The following DBN1 variants were observed in gnomAD, a reference collection of about 807,000 sequenced individuals.
The protein encoded by DBN1 is drebrin 1, also known as drebrin.
In DBN1, 21 loss-of-function variants were observed where a neutral mutation model predicts 83.5. That is an observed-to-expected ratio of 0.25 (90% CI 0.18 to 0.36). DBN1 has a LOEUF of 0.36. Among genes scored for constraint, DBN1 ranks in the 10% least tolerant of loss-of-function variants. The probability of loss-of-function intolerance (pLI) is 1.00; values close to 1 mark genes in which losing one functional copy is unlikely to be tolerated. For synonymous variants in DBN1, 381 were observed against 384.9 expected (o/e 0.99, Z 0.12); for missense variants, 874 against 935.7 (o/e 0.93, Z 0.86).
intron 8 of DBN1, among the ~76,000 whole-genome samples, chr5:177,465,925 G>A (rs1244341030): frequency 6.7e-6 from 1 of 149,710 alleles, no homozygotes; most frequent in Non-Finnish European, 1.5e-5. Flanking sequence ...TCTCCACCAT[G>A]TTCTTTATGT....
chr5:177,471,823 A>T (rs1757864058), intron 1 of DBN1, among the ~76,000 whole-genome samples: 1 of 151,820 alleles, frequency 6.6e-6, no homozygotes, highest in South Asian at 2.1e-4. Context: ...GTTGAGCAGG[A>T]TGTGGGGCAA....
Position 177,466,006 on chromosome 5 carries a change from CA to C in DBN1, c.771+765del, listed in dbSNP as rs1195685528. 6.6e-6 allele frequency among the ~76,000 whole-genome samples: 1 copy of C among 152,148 alleles called. No homozygotes were observed. The highest frequency in any genetic ancestry group is 1.5e-5 in the Non-Finnish European group (1 of 68,034). On this transcript the variant is annotated intron_variant, in intron 8 of 14. Coordinates refer to ENST00000393565, the MANE Select transcript of DBN1 (RefSeq NM_001363541.2). The surrounding 1 kb of genome is among the most constrained non-coding windows in gnomAD (Gnocchi z 4.8). ...TACCAGCCACACATCATCCCCACCC[CA>C]TCCAAGGGCAGATGTGACTGGAGTG...
At chr5:177,462,057 G>A (rs1449969694) in intron 8 of DBN1, among the ~76,000 whole-genome samples, 1 of 152,104 alleles carries the variant, frequency 6.6e-6, no homozygotes, top group African/African-American at 2.4e-5. Context: ...ACAGGCGTGT[G>A]CCACCCGCTC....
chr5:177,462,428 C>G, intron 8 of DBN1: 1 of 985,192 alleles, frequency 1.0e-6, no homozygotes. Flanking sequence ...GAACAAGAGG[C>G]TTGTTCAGGT....
intron 13 of DBN1, 73 bp from the exon 14 acceptor site, chr5:177,457,830 T>C (rs758851404): frequency 1.7e-6 from 2 of 1,158,188 alleles, no homozygotes; most frequent in East Asian, 2.5e-5. Context: ...CCTGAGCCCG[T>C]TTCCCCAGCA....
At chr5:177,461,642 T>C (rs1171652485) in intron 8 of DBN1, among the ~76,000 whole-genome samples, 1 of 152,180 alleles carries the variant, frequency 6.6e-6, no homozygotes, top group Non-Finnish European at 1.5e-5. Flanking sequence ...AGATAACTTC[T>C]TGGACCTCCT....
rs948228964 is a variant in DBN1, at chr5:177,467,410, G to A, written c.477+71C>T. The stretch of plus-strand genomic sequence containing the variant: ...GACACCTAAAGGGTGAGAGCTAAGA[G>A]GGACCGGGCAGGCCAGACTCGGGCA... On this transcript the variant is annotated intron_variant, in intron 5 of 14. Transcript: ENST00000393565. This position sits in a 1 kb window ranked among gnomAD's most constrained non-coding sequence, Gnocchi z 9.1. 10 of 1,613,270 alleles carry A rather than the reference G, an allele frequency of 6.2e-6. No individual in the cohort carries two copies. The highest frequency in any genetic ancestry group is 2.2e-5 in the South Asian group (2 of 91,046).
At chr5:177,464,936 T>C (rs556865690) in intron 8 of DBN1, among the ~76,000 whole-genome samples, 2,199 of 152,004 alleles carry the variant, frequency 0.014, 30 homozygotes, top group Middle Eastern at 0.031. Flanking sequence ...GGGCAGATCA[T>C]GAGGTCAGGA....
chr5:177,461,394 G>C (rs1262194071), intron 8 of DBN1, among the ~76,000 whole-genome samples: 1 of 151,874 alleles, frequency 6.6e-6, no homozygotes, highest in African/African-American at 2.4e-5. Flanking sequence ...CACCGCGCCC[G>C]GCCCCTTCTG....
chr5:177,464,060 A>G (rs980114436), intron 8 of DBN1, among the ~76,000 whole-genome samples: 2 of 151,790 alleles, frequency 1.3e-5, no homozygotes, highest in Non-Finnish European at 2.9e-5. Flanking sequence ...GGTTGCAGTG[A>G]GCTGAGATGG....
intron 8 of DBN1, among the ~76,000 whole-genome samples, chr5:177,463,208 T>C (rs938281184): frequency 6.6e-6 from 1 of 152,198 alleles, no homozygotes; most frequent in African/African-American, 2.4e-5. Flanking sequence ...GGCTAATTTC[T>C]TGTATTTTTT....
chr5:177,467,925 G>T lies in DBN1; in HGVS notation c.256-108C>A. 1 of 1,432,416 alleles carries T rather than the reference G, an allele frequency of 7.0e-7. No individual in the cohort carries two copies. Among genetic ancestry groups the T allele is most frequent in the Non-Finnish European group, 9.8e-7 (1 of 1,024,874 alleles). 88.7% of individuals were successfully genotyped at this position (1,432,416 alleles called of 1,614,324 possible). A position where few individuals can be genotyped will look rare whatever the true frequency, so the allele number is the denominator to read the frequency against. On this transcript the variant is annotated intron_variant, in intron 3 of 14. Transcript: ENST00000393565. This position sits in a 1 kb window ranked among gnomAD's most constrained non-coding sequence, Gnocchi z 9.1. ...AGAGGGTGGGCTTCCCTCTCCACGGGTGTCAGAGGGCCGACGGGGAGGGCG... is the reference window on the plus strand; with the variant it reads ...AGAGGGTGGGCTTCCCTCTCCACGGTTGTCAGAGGGCCGACGGGGAGGGCG...
At chr5:177,473,315 C>T in intron 1 of DBN1, 121 bp downstream of exon 1, 4 of 532,366 alleles carry the variant, frequency 7.5e-6, no homozygotes, top group Non-Finnish European at 1.2e-5. Context: ...CCCTCCCGGC[C>T]CGCTGCACCA....
Position 177,457,490 on chromosome 5 carries a change from T to C in DBN1, c.2031A>G (p.Thr677=). ...CTGGAACTGGGTCTGCATCCCAGCATGTGATGTCGATCTCTGTGGCGTTAG... is the reference window on the plus strand; with the variant it reads ...CTGGAACTGGGTCTGCATCCCAGCACGTGATGTCGATCTCTGTGGCGTTAG... The part of the protein sequence containing the change: ...FYNKPPEIDI[T]CWDADPVPEE... The change falls in exon 15 of 15, where the codon ACA becomes ACG. Residue 677 remains threonine, a synonymous_variant. Transcript: ENST00000393565. 1 of 1,614,082 alleles carries C rather than the reference T, an allele frequency of 6.2e-7. No homozygotes were observed. The highest frequency in any genetic ancestry group is 1.6e-4 in the Middle Eastern group (1 of 6,062).
intron 8 of DBN1, among the ~76,000 whole-genome samples, chr5:177,465,329 A>G (rs1292497468): frequency 1.3e-5 from 2 of 152,244 alleles, no homozygotes; most frequent in Non-Finnish European, 2.9e-5. Flanking sequence ...AGCCACACGC[A>G]AAAGGACAAA....
chr5:177,457,228 GTCTCC>G lies in DBN1; in HGVS notation c.*200_*204del. 1 of 593,552 alleles carries G rather than the reference GTCTCC, an allele frequency of 1.7e-6. No individual in the cohort carries two copies. The highest frequency in any genetic ancestry group is 1.9e-5 in the African/African-American group (1 of 53,752). 36.8% of individuals were successfully genotyped at this position (593,552 alleles called of 1,614,324 possible). A position where few individuals can be genotyped will look rare whatever the true frequency, so the allele number is the denominator to read the frequency against. On this transcript the variant is annotated 3_prime_UTR_variant, in exon 15 of 15. Coordinates refer to ENST00000393565, the MANE Select transcript of DBN1 (RefSeq NM_001363541.2). ...AGAGGAAAGCCAGTCAACTGTACAA[GTCTCC>G]TATCAACTTTTTAAAAAAAGAGAAA...
At chr5:177,461,034 C>G (rs1398612975) in intron 8 of DBN1, among the ~76,000 whole-genome samples, 9 of 151,948 alleles carry the variant, frequency 5.9e-5, no homozygotes, top group Non-Finnish European at 1.3e-4. Context: ...CTGCCTTGGC[C>G]TCCCAAAGTG....
intron 10 of DBN1, 111 bp downstream of exon 10, chr5:177,460,321 G>C: frequency 6.6e-7 from 1 of 1,506,172 alleles, no homozygotes; most frequent in Non-Finnish European, 9.1e-7. Context: ...GAAGGGTCTC[G>C]CCTTCTCCAA....
In DBN1 at chr5:177,466,304, G is replaced by A. The variant is rs1410853761; in HGVS notation, c.771+468C>T. Among the ~76,000 whole-genome samples, 1 of 152,222 alleles carries A rather than the reference G, an allele frequency of 6.6e-6. No homozygotes were observed. Among genetic ancestry groups the A allele is most frequent in the Non-Finnish European group, 1.5e-5 (1 of 68,032 alleles). On this transcript the variant is annotated intron_variant, in intron 8 of 14. Transcript: ENST00000393565. The surrounding 1 kb of genome is among the most constrained non-coding windows in gnomAD (Gnocchi z 4.8). ...ACAGGACCTACGGGCCATTCCCAAT[G>A]TGTGGAGATTCAGACAGTACCCCTG...
Sources: gnomAD v4.1 joint callset for allele counts (sites outside exome capture counted in the v4.1 genomes callset) on GRCh38, gnomAD v4.1.1 for gene constraint, Gnocchi (gnomAD v3.1) non-coding constraint, MANE v1.5 for transcripts, NCBI Gene and HGNC (gene_info 2026-07-23, HGNC 2026-07-21) for gene names.